LUZP2: variants seen among roughly 807,000 people sequenced by gnomAD.
The protein encoded by LUZP2 is leucine zipper protein 2.
Under a neutral mutation model 51.6 loss-of-function variants are expected in LUZP2, and 52 were observed. That is an observed-to-expected ratio of 1.01 (90% CI 0.81 to 1.27). The LOEUF is 1.27. Ranked by LOEUF, LUZP2 falls within the 50% of genes most tolerant of loss-of-function variation. The pLI, the probability that LUZP2 is intolerant of heterozygous loss-of-function variation, is 0.00. For missense variants in LUZP2, 436 were observed against 395.4 expected (o/e 1.10, Z -0.87); for synonymous variants, 154 against 137.3 (o/e 1.12, Z -0.85).
At chr11:24,927,930 T>A (rs1340782044) in intron 7 of LUZP2, among the ~76,000 whole-genome samples, 1 of 152,070 alleles carries the variant, frequency 6.6e-6, no homozygotes, top group Non-Finnish European at 1.5e-5. Flanking sequence ...TGCTTTGTAG[T>A]TTTCCTTGTA....
intron 4 of LUZP2, among the ~76,000 whole-genome samples, chr11:24,748,858 G>A (rs140807263): frequency 0.013 from 1,916 of 152,256 alleles, 18 homozygotes; most frequent in Non-Finnish European, 0.017. Context: ...ATATTTGTGT[G>A]TGATTTTGCG....
At chr11:25,055,606 G>A (rs1157592970) in intron 10 of LUZP2, among the ~76,000 whole-genome samples, 2 of 152,026 alleles carry the variant, frequency 1.3e-5, no homozygotes, top group African/African-American at 2.4e-5. Context: ...AAGCAGTTAC[G>A]ATGCTACATC....
intron 1 of LUZP2, among the ~76,000 whole-genome samples, chr11:24,602,789 T>C (rs1358645886): frequency 1.3e-5 from 2 of 151,790 alleles, no homozygotes; most frequent in Non-Finnish European, 2.9e-5. Context: ...GTTTTCAAGC[T>C]TGCTCACCAA....
At chr11:24,717,409 G>GT (rs869281553) in intron 1 of LUZP2, among the ~76,000 whole-genome samples, 10,899 of 134,582 alleles carry the variant, frequency 0.081, 468 homozygotes, top group Non-Finnish European at 0.093. Context: ...GAACCCAATA[G>GT]TTTTTTTTTT....
intron 5 of LUZP2, among the ~76,000 whole-genome samples, chr11:24,769,551 TA>T (rs148150311): frequency 0.08 from 12,143 of 152,040 alleles, 1,044 homozygotes; most frequent in African/African-American, 0.22. Context: ...AAAAATAACT[TA>T]AAAAATTTAA....
In LUZP2 at chr11:24,653,344, T is replaced by C. The variant is rs149746552; in HGVS notation, c.63-75825T>C. The stretch of plus-strand genomic sequence containing the variant: ...CAGGAAACCATAAGATTTCTTTTTT[T>C]GGTCTGGGTAGTTAAAAGAAGTTTT... On this transcript the variant is annotated intron_variant, in intron 1 of 11. Transcript: ENST00000336930. Among the ~76,000 whole-genome samples, 311 of 152,324 alleles carry C rather than the reference T, an allele frequency of 2.0e-3. 4 individuals carry two copies. The East Asian group carries it at 0.042, about 20-fold the overall frequency.
At chr11:24,921,696 C>T (rs1854062909) in intron 7 of LUZP2, among the ~76,000 whole-genome samples, 1 of 152,042 alleles carries the variant, frequency 6.6e-6, no homozygotes, top group Non-Finnish European at 1.5e-5. Context: ...GTATTATATG[C>T]AATCTAGGCA....
chr11:24,578,295 C>T (rs1486599387), intron 1 of LUZP2, among the ~76,000 whole-genome samples: 2 of 151,984 alleles, frequency 1.3e-5, no homozygotes, highest in Non-Finnish European at 2.9e-5. Context: ...TCTTACTGTC[C>T]AGAAATATTT....
chr11:24,721,662 A>G (rs992573628), intron 1 of LUZP2, among the ~76,000 whole-genome samples: 1 of 152,188 alleles, frequency 6.6e-6, no homozygotes, highest in African/African-American at 2.4e-5. Flanking sequence ...ATAAAATGTT[A>G]TGATCTCTAA....
chr11:25,069,815 A>AT (rs1388196140), intron 10 of LUZP2, among the ~76,000 whole-genome samples: 3 of 151,648 alleles, frequency 2.0e-5, no homozygotes, highest in Non-Finnish European at 4.4e-5. Flanking sequence ...TCAATTTATA[A>AT]TTTTTTGCAG....
At chr11:24,581,877 T>C (rs949193892) in intron 1 of LUZP2, among the ~76,000 whole-genome samples, 5 of 152,102 alleles carry the variant, frequency 3.3e-5, no homozygotes, top group African/African-American at 9.7e-5. Flanking sequence ...GCTCAGAGAA[T>C]TGATTCACGT....
In LUZP2 at chr11:24,544,193, C is replaced by T. The variant is rs114511030; in HGVS notation, c.62+46888C>T. Among the ~76,000 whole-genome samples, 359 of 152,082 alleles carry T rather than the reference C, an allele frequency of 2.4e-3. 1 individual carries two copies. The highest frequency in any genetic ancestry group is 8.2e-3 in the African/African-American group (342 of 41,482). Reference sequence around the variant, plus strand: ...GTGTACAGGTCTGTGTGTCTGGTTCCGATGATCATCTTCAGTAATTGCCTG... The same window carrying T: ...GTGTACAGGTCTGTGTGTCTGGTTCTGATGATCATCTTCAGTAATTGCCTG... On this transcript the variant is annotated intron_variant, in intron 1 of 11. Transcript: ENST00000336930.
intron 7 of LUZP2, among the ~76,000 whole-genome samples, chr11:24,974,536 G>A (rs1855833109): frequency 6.6e-6 from 1 of 151,958 alleles, no homozygotes; most frequent in African/African-American, 2.4e-5. Context: ...ATAGTTCTAT[G>A]TATTTATGAC....
intron 7 of LUZP2, among the ~76,000 whole-genome samples, chr11:24,928,022 T>C (rs1854331487): frequency 6.6e-6 from 1 of 152,068 alleles, no homozygotes; most frequent in African/African-American, 2.4e-5. Flanking sequence ...AGTTGAGTTC[T>C]TGATTTATTT....
At chr11:24,791,021 C>G (rs919380166) in intron 5 of LUZP2, among the ~76,000 whole-genome samples, 1 of 152,114 alleles carries the variant, frequency 6.6e-6, no homozygotes. Context: ...TGTGCAAATG[C>G]TTACTCAATA....
At chr11:24,942,370 G>A (rs1353167198) in intron 7 of LUZP2, among the ~76,000 whole-genome samples, 1 of 152,098 alleles carries the variant, frequency 6.6e-6, no homozygotes, top group Non-Finnish European at 1.5e-5. Context: ...GCAATACTTG[G>A]TTTGGTCAGT....
chr11:24,670,886 T>G (rs1856381378), intron 1 of LUZP2, among the ~76,000 whole-genome samples: 1 of 151,954 alleles, frequency 6.6e-6, no homozygotes, highest in Non-Finnish European at 1.5e-5. Context: ...TTAATTAGTT[T>G]CTATGTAGCT....
At chr11:24,776,166 T>A (rs993927448) in intron 5 of LUZP2, among the ~76,000 whole-genome samples, 2 of 152,176 alleles carry the variant, frequency 1.3e-5, no homozygotes. Context: ...ACTCTAATTA[T>A]CACTTTTAGA....
chr11:24,845,034 G>A (rs76260541), intron 5 of LUZP2, among the ~76,000 whole-genome samples: 200 of 152,234 alleles, frequency 1.3e-3, no homozygotes, highest in African/African-American at 4.7e-3. Context: ...CCACCTAGTG[G>A]AGCTGTGAGA....
Sources: allele counts gnomAD v4.1 joint callset (sites outside exome capture counted in the v4.1 genomes callset), GRCh38; gene constraint gnomAD v4.1.1; transcripts MANE v1.5; gene names NCBI Gene and HGNC (gene_info 2026-07-23, HGNC 2026-07-21).